The following CXCL13 variants were observed in gnomAD, a reference collection of about 807,000 sequenced individuals.
CXCL13 encodes C-X-C motif chemokine ligand 13.
A neutral mutation model predicts 12.2 loss-of-function variants in CXCL13; 7 were observed. That is an observed-to-expected ratio of 0.57 (90% CI 0.33 to 1.07). The LOEUF is 1.07. CXCL13 is among the 50% of genes least tolerant of loss of function. CXCL13 has a pLI of 0.04. For synonymous variants in CXCL13, 47 were observed against 42.4 expected (o/e 1.11, Z -0.42); for missense variants, 113 against 127.4 (o/e 0.89, Z 0.55).
intron 1 of CXCL13, among the ~76,000 whole-genome samples, chr4:77,533,462 G>T (rs1392873553): frequency 2.6e-5 from 4 of 152,224 alleles, no homozygotes; most frequent in Admixed American, 2.6e-4. Flanking sequence ...GTGCCTCCCA[G>T]TTAGGCTACT....
chr4:77,517,678 C>T lies in CXCL13; in HGVS notation c.-43+5890C>T, dbSNP rs192846299. ...TTGCTTGGTAGATCTTCCTCCATCC[C>T]TTTATTTTGAGCCTATGTGTGTCTC... On this transcript the variant is annotated intron_variant, in intron 1 of 4. Coordinates refer to the CXCL13 transcript ENST00000286758. Among the ~76,000 whole-genome samples the T allele has an allele frequency of 4.4e-3, 668 of 152,234 alleles. 17 individuals are homozygous for T. Among genetic ancestry groups the T allele is most frequent in the East Asian group, 0.026 (136 of 5,178 alleles).
chr4:77,532,617 C>T (rs887861055), intron 1 of CXCL13, among the ~76,000 whole-genome samples: 1 of 152,316 alleles, frequency 6.6e-6, no homozygotes, highest in East Asian at 1.9e-4. Flanking sequence ...GGGAAATTCT[C>T]CTGGATAATA....
intron 1 of CXCL13, among the ~76,000 whole-genome samples, chr4:77,575,444 C>A (rs778485588): frequency 6.6e-6 from 1 of 151,826 alleles, no homozygotes; most frequent in Non-Finnish European, 1.5e-5. Context: ...TATCCCTCCC[C>A]CAGCCCCCTA....
At chr4:77,599,266 T>C (rs868128811) in intron 1 of CXCL13, among the ~76,000 whole-genome samples, 2 of 152,226 alleles carry the variant, frequency 1.3e-5, no homozygotes. Context: ...AATCTATAGA[T>C]GCTCAAGTCT....
intron 1 of CXCL13, among the ~76,000 whole-genome samples, chr4:77,569,457 C>G (rs1259997078): frequency 3.3e-5 from 5 of 152,158 alleles, no homozygotes; most frequent in Non-Finnish European, 5.9e-5. Flanking sequence ...CACTAGCATT[C>G]CTATACTCCA....
At chr4:77,567,700 G>A (rs1018229161) in intron 1 of CXCL13, among the ~76,000 whole-genome samples, 2 of 152,104 alleles carry the variant, frequency 1.3e-5, no homozygotes, top group Non-Finnish European at 1.5e-5. Context: ...GCTAATTATA[G>A]TATATTACCA....
intron 1 of CXCL13, among the ~76,000 whole-genome samples, chr4:77,578,488 G>C (rs928777808): frequency 6.6e-6 from 1 of 152,148 alleles, no homozygotes; most frequent in Non-Finnish European, 1.5e-5. Flanking sequence ...TAAGGGGAAG[G>C]GTCCCTGGAG....
At chr4:77,543,549 G>T (rs1012048368) in intron 1 of CXCL13, among the ~76,000 whole-genome samples, 3 of 151,922 alleles carry the variant, frequency 2.0e-5, no homozygotes, top group Non-Finnish European at 4.4e-5. Flanking sequence ...TTTTCATTGT[G>T]TCTCTGTCCA....
intron 1 of CXCL13, among the ~76,000 whole-genome samples, chr4:77,587,949 A>G (rs1560534311): frequency 6.6e-6 from 1 of 152,178 alleles, no homozygotes; most frequent in Non-Finnish European, 1.5e-5. Context: ...CTCACAAGTG[A>G]CCAGCACTTG....
At chr4:77,606,794 A>G (rs188309546) in intron 1 of CXCL13, among the ~76,000 whole-genome samples, 15 of 152,260 alleles carry the variant, frequency 9.9e-5, no homozygotes, top group Admixed American at 8.5e-4. Context: ...ACTTGTACAC[A>G]CCTTGAGAGG....
intron 1 of CXCL13, among the ~76,000 whole-genome samples, chr4:77,588,627 C>A (rs1198786121): frequency 6.6e-6 from 1 of 152,216 alleles, no homozygotes; most frequent in African/African-American, 2.4e-5. Context: ...CAACTACCTA[C>A]CTAGCTAATA....
chr4:77,535,045 G>T (rs913997105), intron 1 of CXCL13, among the ~76,000 whole-genome samples: 1 of 152,184 alleles, frequency 6.6e-6, no homozygotes, highest in African/African-American at 2.4e-5. Flanking sequence ...ACCAAGCATG[G>T]CTTTTTCATG....
chr4:77,554,937 G>A (rs1262657583), intron 1 of CXCL13, among the ~76,000 whole-genome samples: 1 of 151,840 alleles, frequency 6.6e-6, no homozygotes, highest in Non-Finnish European at 1.5e-5. Context: ...GCAGTGATTG[G>A]GGGAAATTTA....
chr4:77,513,269 T>C (rs1023449858), intron 1 of CXCL13, among the ~76,000 whole-genome samples: 2 of 152,228 alleles, frequency 1.3e-5, no homozygotes. Flanking sequence ...TATAGTAGCC[T>C]GATTTATAAT....
At chr4:77,581,020 AT>A (rs1378060589) in intron 1 of CXCL13, among the ~76,000 whole-genome samples, 2 of 152,028 alleles carry the variant, frequency 1.3e-5, no homozygotes, top group Admixed American at 6.6e-5. Flanking sequence ...ATTTTACACA[AT>A]TTCATTCAAA....
intron 1 of CXCL13, among the ~76,000 whole-genome samples, chr4:77,515,428 C>T (rs1282359801): frequency 1.3e-5 from 2 of 152,136 alleles, no homozygotes; most frequent in Non-Finnish European, 2.9e-5. Context: ...ATTGATTCTT[C>T]CTACCCATGA....
chr4:77,528,737 A>C (rs1724833827), intron 1 of CXCL13, among the ~76,000 whole-genome samples: 1 of 151,940 alleles, frequency 6.6e-6, no homozygotes, highest in Non-Finnish European at 1.5e-5. Flanking sequence ...TTGCCTGTTC[A>C]CTCTAATGGT....
chr4:77,539,294 T>A (rs956979856), intron 1 of CXCL13, among the ~76,000 whole-genome samples: 1 of 151,980 alleles, frequency 6.6e-6, no homozygotes, highest in Non-Finnish European at 1.5e-5. Context: ...CCCAGCTAAT[T>A]TTTTGTATTT....
At chr4:77,548,756 C>T (rs988224487) in intron 1 of CXCL13, among the ~76,000 whole-genome samples, 2 of 152,188 alleles carry the variant, frequency 1.3e-5, no homozygotes, top group Non-Finnish European at 2.9e-5. Context: ...TTCTCTCTGG[C>T]TGCCCTTAAC....
Sources: allele counts gnomAD v4.1 joint callset (sites outside exome capture counted in the v4.1 genomes callset), GRCh38; gene constraint gnomAD v4.1.1; transcripts MANE v1.5; gene names NCBI Gene and HGNC (gene_info 2026-07-23, HGNC 2026-07-21).